Variants in FARS2 observed in about 807,000 individuals in gnomAD.
FARS2 encodes the protein phenylalanine--tRNA ligase, mitochondrial.
FARS2 carries 40 observed loss-of-function variants against 46.4 expected under a neutral mutation model. That is an observed-to-expected ratio of 0.86 (90% confidence interval 0.67 to 1.12). FARS2 has a LOEUF of 1.12. Ranked by LOEUF, FARS2 falls within the 50% of genes most tolerant of loss-of-function variation. The pLI is 0.00. For missense variants in FARS2, 513 were observed against 567.9 expected (o/e 0.90, Z 0.98); for synonymous variants, 234 against 214.9 (o/e 1.09, Z -0.78).
At chr6:5,431,855 G>A (rs1019066427) in intron 4 of FARS2, 22 of 313,098 alleles carry the variant, frequency 7.0e-5, no homozygotes, top group Non-Finnish European at 5.9e-5. Context: ...TCTGAATTGA[G>A]TAATTTTTAA....
intron 6 of FARS2, among the ~76,000 whole-genome samples, chr6:5,677,371 G>T (rs979584410): frequency 6.6e-6 from 1 of 152,148 alleles, no homozygotes; most frequent in Non-Finnish European, 1.5e-5. Flanking sequence ...CTCTGGCAAG[G>T]TACAAATGCT....
chr6:5,701,945 A>G (rs1758467000), intron 6 of FARS2, among the ~76,000 whole-genome samples: 3 of 152,238 alleles, frequency 2.0e-5, no homozygotes, highest in Admixed American at 2.0e-4. Flanking sequence ...ACATAGGTAG[A>G]AAATGATGGG....
chr6:5,613,858 G>A (rs974049325), intron 6 of FARS2, among the ~76,000 whole-genome samples: 1 of 152,174 alleles, frequency 6.6e-6, no homozygotes, highest in African/African-American at 2.4e-5. Flanking sequence ...AATGCATTGG[G>A]TGTCATCAAA....
Position 5,404,611 on chromosome 6 carries a change from CAA to C in FARS2, c.683_684del (p.Gln228ArgfsTer14). On this transcript the variant is annotated frameshift_variant, in exon 3 of 7. Transcript: ENST00000274680. LOFTEE classifies it high-confidence loss of function. ...FEQSSRSAHKQETHTMEAVKL... is the reference protein window; with the variant it reads ...FEQSSRSAHKXETHTMEAVKL... ...ACAAAGTTCTCGCTCTGCGCATAAA[CAA>C]GAGACACACACCATGGAGGCCGTGA... The C allele has an allele frequency of 2.5e-6, 4 of 1,613,320 alleles. No individual in the cohort carries two copies. In the South Asian group the frequency reaches 4.4e-5, roughly 18 times the overall value.
At chr6:5,457,756 A>G (rs1411325824) in intron 4 of FARS2, 3 of 152,202 alleles carry the variant, frequency 2.0e-5, no homozygotes, top group African/African-American at 7.2e-5. Flanking sequence ...TCTCAGGGGA[A>G]ACTGAGTCAA....
At chr6:5,722,856 A>G (rs933677459) in intron 6 of FARS2, among the ~76,000 whole-genome samples, 4 of 152,062 alleles carry the variant, frequency 2.6e-5, no homozygotes, top group African/African-American at 7.2e-5. Flanking sequence ...GAAACTCTAA[A>G]CCCTAGTTAT....
chr6:5,379,618 T>G (rs1759622433), intron 2 of FARS2, among the ~76,000 whole-genome samples: 1 of 152,182 alleles, frequency 6.6e-6, no homozygotes, highest in Non-Finnish European at 1.5e-5. Flanking sequence ...TTGCTTGATA[T>G]CCACGCTCTG....
intron 1 of FARS2, chr6:5,291,279 A>G (rs1449450231): frequency 1.3e-5 from 2 of 152,194 alleles, no homozygotes; most frequent in Non-Finnish European, 2.9e-5. Flanking sequence ...CTTAACCTCG[A>G]TCCTCTCATT....
chr6:5,546,739 T>C (rs1264996918), intron 5 of FARS2, among the ~76,000 whole-genome samples: 1 of 151,802 alleles, frequency 6.6e-6, no homozygotes, highest in Non-Finnish European at 1.5e-5. Context: ...TCATCTTTTT[T>C]TTTTTCCTGT....
chr6:5,381,099 C>T (rs1407280160), intron 2 of FARS2, among the ~76,000 whole-genome samples: 7 of 151,734 alleles, frequency 4.6e-5, no homozygotes, highest in Non-Finnish European at 8.8e-5. Flanking sequence ...CTCCTGGGTT[C>T]ACGCCATTCT....
In FARS2 at chr6:5,764,441, C is replaced by T. The variant is rs1235113550; in HGVS notation, c.1218-6850C>T. Among the ~76,000 whole-genome samples the T allele has an allele frequency of 6.6e-6, 1 of 152,140 alleles. No individual in the cohort carries two copies. Among genetic ancestry groups the T allele is most frequent in the African/African-American group, 2.4e-5 (1 of 41,430 alleles). On this transcript the variant is annotated intron_variant, in intron 6 of 6. Coordinates refer to ENST00000274680, the MANE Select transcript of FARS2 (RefSeq NM_006567.5). The surrounding 1 kb of genome is among the most constrained non-coding windows in gnomAD (Gnocchi z 4.1). ...CATTGCACGTATTGACCCTCGCAGCCATGCACAGTGCCTCTGACGTGGGCA... is the reference window on the plus strand; with the variant it reads ...CATTGCACGTATTGACCCTCGCAGCTATGCACAGTGCCTCTGACGTGGGCA...
chr6:5,634,334 G>T (rs191043875), intron 6 of FARS2, among the ~76,000 whole-genome samples: 1 of 152,038 alleles, frequency 6.6e-6, no homozygotes, highest in Admixed American at 6.6e-5. Flanking sequence ...ACAGAGTCTC[G>T]CTCTGTCACC....
chr6:5,546,941 T>C (rs1221798139), intron 5 of FARS2, among the ~76,000 whole-genome samples: 1 of 151,856 alleles, frequency 6.6e-6, no homozygotes, highest in Admixed American at 6.6e-5. Context: ...TATTTTATTT[T>C]ATTTTATTTT....
rs183401779 is a variant in FARS2, at chr6:5,530,619, T to C, written c.905-14561T>C. ...AAGGAGCATGATGTATGTAACCTACTCTCAGATGACTTAAATTATTGTAAT... is the reference window on the plus strand; with the variant it reads ...AAGGAGCATGATGTATGTAACCTACCCTCAGATGACTTAAATTATTGTAAT... On this transcript the variant is annotated intron_variant, in intron 4 of 6. Coordinates refer to ENST00000274680, the MANE Select transcript of FARS2 (RefSeq NM_006567.5). Among the ~76,000 whole-genome samples, 164 of 149,502 alleles carry C rather than the reference T, an allele frequency of 1.1e-3. 2 individuals carry two copies. The highest frequency in any genetic ancestry group is 1.6e-4 in the Non-Finnish European group (11 of 67,324).
At chr6:5,318,000 T>C (rs1417534786) in intron 1 of FARS2, among the ~76,000 whole-genome samples, 1 of 151,974 alleles carries the variant, frequency 6.6e-6, no homozygotes, top group East Asian at 1.9e-4. Context: ...TTCACACCGG[T>C]GCAGTTCATG....
At chr6:5,530,540 A>G (rs1769755994) in intron 4 of FARS2, among the ~76,000 whole-genome samples, 1 of 151,900 alleles carries the variant, frequency 6.6e-6, no homozygotes, top group Admixed American at 6.6e-5. Flanking sequence ...TACTATGGAT[A>G]TATAAGAGAA....
intron 4 of FARS2, among the ~76,000 whole-genome samples, chr6:5,458,968 C>T (rs1765075381): frequency 6.6e-6 from 1 of 152,172 alleles, no homozygotes; most frequent in Non-Finnish European, 1.5e-5. Context: ...CTTTTGTTCT[C>T]TCAGATGCAT....
At chr6:5,593,603 G>T (rs1188849473) in intron 5 of FARS2, among the ~76,000 whole-genome samples, 1 of 152,160 alleles carries the variant, frequency 6.6e-6, no homozygotes, top group African/African-American at 2.4e-5. Context: ...CACACTTTCC[G>T]TGGGAACAAA....
At chr6:5,323,964 GC>G (rs1028433091) in intron 1 of FARS2, among the ~76,000 whole-genome samples, 1 of 152,058 alleles carries the variant, frequency 6.6e-6, no homozygotes, top group Non-Finnish European at 1.5e-5. Flanking sequence ...GAAGATGCCA[GC>G]CCCCAAGATA....
Sources: allele counts gnomAD v4.1 joint callset (sites outside exome capture counted in the v4.1 genomes callset), GRCh38; gene constraint gnomAD v4.1.1; non-coding constraint Gnocchi (gnomAD v3.1); transcripts MANE v1.5; gene names NCBI Gene and HGNC (gene_info 2026-07-23, HGNC 2026-07-21).